The following MYLK variants were observed in gnomAD, a reference collection of about 807,000 sequenced individuals.
MYLK encodes myosin light chain kinase, smooth muscle.
In MYLK, 106 loss-of-function variants were observed where a neutral mutation model predicts 203.4. That is an observed-to-expected ratio of 0.52 (90% CI 0.45 to 0.61). The LOEUF is 0.61. Among genes scored for constraint, MYLK ranks in the 20% least tolerant of loss-of-function variants. The pLI, the probability that MYLK is intolerant of heterozygous loss-of-function variation, is 0.00. For missense variants in MYLK, 2,072 were observed against 2,442.3 expected, an observed-to-expected ratio of 0.85 and a Z score of 3.20; for synonymous variants, 867 against 959.5, an observed-to-expected ratio of 0.90 and a Z score of 1.78.
intron 24 of MYLK, among the ~76,000 whole-genome samples, chr3:123,652,147 C>T (rs1207731259): frequency 6.6e-6 from 1 of 152,146 alleles, no homozygotes; most frequent in Non-Finnish European, 1.5e-5. Context: ...TCCTGCCTCT[C>T]TTCTATTTGA....
chr3:123,799,639 CCA>C (rs1353276605), intron 3 of MYLK, among the ~76,000 whole-genome samples: 3 of 152,156 alleles, frequency 2.0e-5, no homozygotes, highest in African/African-American at 7.2e-5. Flanking sequence ...GCAAAACCAC[CCA>C]CGTGCAAATG....
intron 3 of MYLK, among the ~76,000 whole-genome samples, chr3:123,830,385 C>T (rs34972045): frequency 0.12 from 17,560 of 152,198 alleles, 1,054 homozygotes; most frequent in Middle Eastern, 0.22. Flanking sequence ...CTTATAGTCA[C>T]TTTTAAAAAA....
At chr3:123,816,023 G>A (rs13094938) in intron 3 of MYLK, among the ~76,000 whole-genome samples, 68,469 of 152,132 alleles carry the variant, frequency 0.45, 18,751 homozygotes, top group Non-Finnish European at 0.64. Flanking sequence ...CCTATGAGCA[G>A]GACCTGGGTT....
In MYLK at chr3:123,613,880, T is replaced by A. The variant is rs1441624891; in HGVS notation, c.*225A>T. On this transcript the variant is annotated 3_prime_UTR_variant, in exon 34 of 34. Coordinates refer to ENST00000360304, the MANE Select transcript of MYLK (RefSeq NM_053025.4). ...TTACTGGTGATTTCCCTAAATGAAA[T>A]CTAGCTGCACTAGTATCTTAAGGTG... 1.8e-6 allele frequency: 1 copy of A among 565,016 alleles called. No individual in the cohort carries two copies. The highest frequency in any genetic ancestry group is 3.2e-6 in the Non-Finnish European group (1 of 317,190). 35.0% of individuals were successfully genotyped at this position (565,016 alleles called of 1,614,324 possible).
intron 2 of MYLK, among the ~76,000 whole-genome samples, chr3:123,864,192 G>A (rs966621176): frequency 6.6e-6 from 1 of 152,174 alleles, no homozygotes; most frequent in Non-Finnish European, 1.5e-5. Flanking sequence ...TCTGGAGGGT[G>A]GGGACAGAAA....
At chr3:123,624,699 G>C (rs894414737) in intron 31 of MYLK, 1 of 152,208 alleles carries the variant, frequency 6.6e-6, no homozygotes, top group Non-Finnish European at 1.5e-5. Flanking sequence ...TCAGATCCTA[G>C]TGGCACCAAA....
chr3:123,797,588 C>A (rs2065034059), intron 3 of MYLK, among the ~76,000 whole-genome samples: 1 of 151,376 alleles, frequency 6.6e-6, no homozygotes, highest in African/African-American at 2.4e-5. Flanking sequence ...GCAGCCAGGA[C>A]CGGGTAGAGA....
At chr3:123,827,174 T>C (rs754882951) in intron 3 of MYLK, among the ~76,000 whole-genome samples, 5 of 152,150 alleles carry the variant, frequency 3.3e-5, no homozygotes, top group Non-Finnish European at 5.9e-5. Context: ...AAGATTTGAA[T>C]GAGAAATTCA....
intron 24 of MYLK, among the ~76,000 whole-genome samples, chr3:123,651,301 T>A (rs2059204516): frequency 6.6e-6 from 1 of 152,170 alleles, no homozygotes; most frequent in Non-Finnish European, 1.5e-5. Context: ...ACATGAGAAG[T>A]ACCACTAGAA....
chr3:123,637,049 C>G (rs1006674588), intron 29 of MYLK, among the ~76,000 whole-genome samples: 1 of 152,120 alleles, frequency 6.6e-6, no homozygotes, highest in African/African-American at 2.4e-5. Flanking sequence ...GTCTGAAGGC[C>G]CCAGGGGTCT....
chr3:123,857,314 T>G (rs2031486591), intron 2 of MYLK, among the ~76,000 whole-genome samples: 1 of 152,110 alleles, frequency 6.6e-6, no homozygotes, highest in East Asian at 1.9e-4. Context: ...CCCAAAGGAC[T>G]ATAAATCATG....
At chr3:123,739,785 C>G (rs751524926) in intron 6 of MYLK, among the ~76,000 whole-genome samples, 168 bp downstream of exon 6, 3 of 152,222 alleles carry the variant, frequency 2.0e-5, no homozygotes, top group Non-Finnish European at 2.9e-5. Flanking sequence ...ATCACAGAGG[C>G]AGCCAGGTCA....
intron 4 of MYLK, among the ~76,000 whole-genome samples, chr3:123,777,161 C>A (rs578232184): frequency 1.2e-4 from 19 of 152,348 alleles, no homozygotes; most frequent in African/African-American, 4.6e-4. Context: ...TACTATAGTA[C>A]TATGATGCCC....
Position 123,739,022 on chromosome 3 carries a change from T to A in MYLK, c.463A>T (p.Ile155Phe). Residue 155 changes from isoleucine (I) to phenylalanine (F), a missense_variant, in exon 7 of 34, where the codon ATC (isoleucine) becomes TTC (phenylalanine). Ile to Phe is a conservative substitution (Grantham distance 21). Transcript: ENST00000360304. ...SAPAVETRPS[I>F]WGECPPKFAT... Reference sequence around the variant, plus strand: ...AACTTTGGTGGGCACTCCCCCCAGATGCTAGGACGGGTCTCCACTGCTGGA... The same window carrying A: ...AACTTTGGTGGGCACTCCCCCCAGAAGCTAGGACGGGTCTCCACTGCTGGA... 1.2e-6 allele frequency: 2 copies of A among 1,613,942 alleles called. No individual in the cohort carries two copies. Among genetic ancestry groups the A allele is most frequent in the Non-Finnish European group, 1.7e-6 (2 of 1,179,976 alleles).
At chr3:123,737,266 G>C (rs2062705160) in intron 8 of MYLK, 112 bp downstream of exon 8, 1 of 1,338,248 alleles carries the variant, frequency 7.5e-7, no homozygotes, top group East Asian at 2.3e-5. Flanking sequence ...GCCTGGGTGT[G>C]TGAGTGGGCC....
chr3:123,633,502 C>G (rs2058518576), intron 29 of MYLK, among the ~76,000 whole-genome samples: 1 of 152,156 alleles, frequency 6.6e-6, no homozygotes, highest in Non-Finnish European at 1.5e-5. Flanking sequence ...TCTTTATCTC[C>G]CTGGTCTTAT....
At chr3:123,668,462 A>T (rs2059809134) in intron 20 of MYLK, among the ~76,000 whole-genome samples, 1 of 151,714 alleles carries the variant, frequency 6.6e-6, no homozygotes, top group African/African-American at 2.4e-5. Flanking sequence ...GAAAAGGCAG[A>T]ACTATAGGAA....
intron 5 of MYLK, among the ~76,000 whole-genome samples, chr3:123,751,336 T>C (rs1023281549): frequency 1.3e-5 from 2 of 152,226 alleles, no homozygotes; most frequent in African/African-American, 4.8e-5. Context: ...ATTTTACTTA[T>C]GGTCCAATTT....
Position 123,700,220 on chromosome 3 carries a change from C to T in MYLK, c.3248G>A (p.Gly1083Glu), listed in dbSNP as rs762030142. The part of the protein sequence containing the change: ...NDVNCKRGHA[G>E]TTDNEKRSES... ...TGATCTCTTTTCATTATCTGTGGTC[C>T]CTGCATGGCCTCTCTTGCAGTTCAC... Residue 1083 changes from glycine to glutamate, a missense_variant, in exon 18 of 34, where the codon GGG becomes GAG. Around this residue, in one of 3 missense-constraint regions of MYLK, gnomAD observed 865 missense variants for 1,016.0 expected, o/e 0.85. Transcript: ENST00000360304. 1.5e-5 allele frequency: 24 copies of T among 1,613,746 alleles called. No individual in the cohort carries two copies. The Admixed American group carries it at 4.0e-4, about 27-fold the overall frequency.
Sources: allele counts gnomAD v4.1 joint callset (sites outside exome capture counted in the v4.1 genomes callset), GRCh38; gene constraint gnomAD v4.1.1; regional missense constraint gnomAD v4.1.1; transcripts MANE v1.5; gene names NCBI Gene and HGNC (gene_info 2026-07-23, HGNC 2026-07-21).